The following PDP1 variants were observed in gnomAD, a reference collection of about 807,000 sequenced individuals.
The protein encoded by PDP1 is pyruvate dehyrogenase phosphatase catalytic subunit 1.
In PDP1, 14 loss-of-function variants were observed where a neutral mutation model predicts 37.1. That is an observed-to-expected ratio of 0.38 (90% CI 0.25 to 0.59). The LOEUF (loss-of-function observed/expected upper bound fraction) is 0.59, where lower values mean the gene tolerates loss of function less well. Among genes scored for constraint, PDP1 ranks in the 20% least tolerant of loss-of-function variants. The pLI is 0.67. For synonymous variants in PDP1, 251 were observed against 243.3 expected (o/e 1.03, Z -0.29); for missense variants, 544 against 655.3 (o/e 0.83, Z 1.85).
chr8:93,918,706 G>A (rs1470100523), intron 1 of PDP1, among the ~76,000 whole-genome samples: 1 of 152,180 alleles, frequency 6.6e-6, no homozygotes, highest in Non-Finnish European at 1.5e-5. Flanking sequence ...CTTATTGCCT[G>A]ATCAAGAGCC....
chr8:93,917,105 G>A (rs571183462), intron 1 of PDP1, 26 bp downstream of exon 1: 1 of 461,556 alleles, frequency 2.2e-6, no homozygotes, highest in Admixed American at 2.3e-5. Flanking sequence ...TCCCTGCCAC[G>A]AGCCGCCCCG....
rs1810402097 is a variant in PDP1, at chr8:93,925,279, T to C, written c.*1606T>C. On this transcript the variant is annotated 3_prime_UTR_variant, in exon 2 of 2. Transcript: ENST00000297598. The stretch of plus-strand genomic sequence containing the variant: ...AGGAAGATTGCTGCTCAGAATATCA[T>C]ATAATGTTTATTTTTTGAGGTGTTT... The C allele has an allele frequency of 6.0e-6, 1 of 166,540 alleles. No individual in the cohort carries two copies. Among genetic ancestry groups the C allele is most frequent in the South Asian group, 2.1e-4 (1 of 4,832 alleles). 10.3% of individuals were successfully genotyped at this position (166,540 alleles called of 1,614,324 possible). A position where few individuals can be genotyped will look rare whatever the true frequency, so the allele number is the denominator to read the frequency against.
Position 93,923,036 on chromosome 8 carries a change from A to G in PDP1, c.977A>G (p.Lys326Arg). 2 of 1,614,218 alleles carry G rather than the reference A, an allele frequency of 1.2e-6. No individual in the cohort carries two copies. The highest frequency in any genetic ancestry group is 1.7e-6 in the Non-Finnish European group (2 of 1,180,048). The change falls in exon 2 of 2, where the codon AAA (lysine) becomes AGA (arginine). Residue 326 changes from lysine to arginine, a missense_variant. Around this residue, in one of 5 missense-constraint regions of PDP1, gnomAD observed 342 missense variants for 414.0 expected, o/e 0.83. Transcript: ENST00000297598. The surrounding 1 kb of genome is among the most constrained non-coding windows in gnomAD (Gnocchi z 4.3). ...AQNERELERLKLEHPKSEAKS... is the reference protein window; with the variant it reads ...AQNERELERLRLEHPKSEAKS... ...AATGAAAGAGAACTAGAACGGCTGA[A>G]ATTGGAACATCCAAAGAGTGAGGCC...
At position 93,925,141 on chromosome 8, in the gene PDP1, C is replaced by T. The variant is rs1317496592; in HGVS notation, c.*1468C>T. ...TGTAATAACTTGGGTGTTTAGGAGT[C>T]TTTTCACATTTTTTGGGGATATGAA... On this transcript the variant is annotated 3_prime_UTR_variant, in exon 2 of 2. Transcript: ENST00000297598. 6.0e-6 allele frequency: 1 copy of T among 166,956 alleles called. No individual in the cohort carries two copies. Among genetic ancestry groups the T allele is most frequent in the Non-Finnish European group, 1.5e-5 (1 of 68,092 alleles). The allele number at this position is 166,956 out of a possible 1,614,324, so 10.3% of individuals were successfully genotyped here.
At chr8:93,917,423 C>T (rs1810103702) in intron 1 of PDP1, among the ~76,000 whole-genome samples, 1 of 151,996 alleles carries the variant, frequency 6.6e-6, no homozygotes, top group Non-Finnish European at 1.5e-5. Context: ...GAGGGTCTCC[C>T]TGACGCACCC....
chr8:93,918,048 A>G, intron 1 of PDP1: 2 of 1,312,060 alleles, frequency 1.5e-6, no homozygotes, highest in Non-Finnish European at 2.1e-6. Flanking sequence ...TTAAGGGATG[A>G]GATAGATTGG....
In PDP1 at chr8:93,923,466, G is replaced by A. The variant is rs1810348348; in HGVS notation, c.1407G>A (p.Met469Ile). 1 of 1,598,770 alleles carries A rather than the reference G, an allele frequency of 6.3e-7. No individual in the cohort carries two copies. ...TTTTAACAGAAAGGAGAACCAAAAT[G>A]TCCTCGGTATTTGAGGATCAGAACG... ...HGLLTERRTK[M>I]SSVFEDQNAA... The change falls in exon 2 of 2, where the codon ATG (methionine) becomes ATA (isoleucine). Residue 469 changes from methionine (M) to isoleucine (I), a missense_variant. Around this residue, in one of 5 missense-constraint regions of PDP1, gnomAD observed 159 missense variants for 165.5 expected, o/e 0.96. Coordinates refer to ENST00000297598, the MANE Select transcript of PDP1 (RefSeq NM_018444.4). This position sits in a 1 kb window ranked among gnomAD's most constrained non-coding sequence, Gnocchi z 4.3.
rs2130390590 is a variant in PDP1, at chr8:93,923,392, C to T, written c.1333C>T (p.Pro445Ser). 1 of 1,609,542 alleles carries T rather than the reference C, an allele frequency of 6.2e-7. No homozygotes were observed. Among genetic ancestry groups the T allele is most frequent in the South Asian group, 1.1e-5 (1 of 90,766 alleles). Residue 445 changes from proline (P) to serine (S), a missense_variant, in exon 2 of 2, where the codon CCA (proline) becomes TCA (serine). By Grantham distance (74) the Pro-to-Ser change is moderately conservative. This residue lies in a region of PDP1 where 159 missense variants were observed against 165.5 expected (regional missense o/e 0.96). Transcript: ENST00000297598. The surrounding 1 kb of genome is among the most constrained non-coding windows in gnomAD (Gnocchi z 4.3). ...CCTAACTGGCATGCATCACCAACAG[C>T]CAATAGCTGTTGGTGGCTACAAGGT... ...EYLTGMHHQQ[P>S]IAVGGYKVTL...
rs117294206 is a variant in PDP1, at chr8:93,923,493, A to G, written c.1434A>G (p.Ala478=). 20 of 1,605,730 alleles carry G rather than the reference A, an allele frequency of 1.2e-5. No homozygotes were observed. The East Asian group carries it at 2.9e-4, about 23-fold the overall frequency. The change falls in exon 2 of 2, where the codon GCA becomes GCG. Residue 478 remains alanine, a synonymous_variant. Transcript: ENST00000297598. This position sits in a 1 kb window ranked among gnomAD's most constrained non-coding sequence, Gnocchi z 4.3. The part of the protein sequence containing the change: ...KMSSVFEDQN[A]ATHLIRHAVG... ...CCTCGGTATTTGAGGATCAGAACGC[A>G]GCAACCCATCTCATTCGCCACGCTG...
chr8:93,920,099 C>G (rs1298088281), intron 1 of PDP1, among the ~76,000 whole-genome samples: 3 of 152,182 alleles, frequency 2.0e-5, no homozygotes, highest in Non-Finnish European at 4.4e-5. Context: ...ATCTTGTCTT[C>G]ATTTTCGTAA....
At chr8:93,921,775 T>C (rs1444990056) in intron 1 of PDP1, 6 of 439,722 alleles carry the variant, frequency 1.4e-5, no homozygotes, top group Non-Finnish European at 2.4e-5. Context: ...AAAGAGAAAA[T>C]TGAAGTTTGA....
At position 93,922,727 on chromosome 8, in the gene PDP1, A is replaced by G; in HGVS notation, c.668A>G (p.Asn223Ser). 1 of 1,614,162 alleles carries G rather than the reference A, an allele frequency of 6.2e-7. No homozygotes were observed. Among genetic ancestry groups the G allele is most frequent in the Non-Finnish European group, 8.5e-7 (1 of 1,179,998 alleles). Residue 223 changes from asparagine (N) to serine (S), a missense_variant, in exon 2 of 2, where the codon AAC (asparagine) becomes AGC (serine). Transcript: ENST00000297598. This position sits in a 1 kb window ranked among gnomAD's most constrained non-coding sequence, Gnocchi z 4.0. ...RTYWQELIDL[N>S]TGESTDIDVK... Reference sequence around the variant, plus strand: ...TACTGGCAAGAGCTTATAGACCTCAACACTGGTGAGTCGACTGATATTGAT... The same window carrying G: ...TACTGGCAAGAGCTTATAGACCTCAGCACTGGTGAGTCGACTGATATTGAT...
chr8:93,921,852 C>A (rs1043102059), intron 1 of PDP1, 164 bp from the exon 2 acceptor site: 4 of 556,532 alleles, frequency 7.2e-6, no homozygotes, highest in African/African-American at 5.6e-5. Context: ...CAGAATATAC[C>A]CTGTAGAAAT....
intron 1 of PDP1, chr8:93,918,889 G>T (rs1292011380): frequency 6.6e-6 from 1 of 152,234 alleles, no homozygotes; most frequent in Non-Finnish European, 1.5e-5. Context: ...TGGAGAGAAT[G>T]TATCACTTGT....
At position 93,922,079 on chromosome 8, in the gene PDP1, T is replaced by G; in HGVS notation, c.20T>G (p.Leu7Arg). MPAPTQ[L>R]FFPLIRNCEL... Reference sequence around the variant, plus strand: ...GATGCCATGCCAGCACCAACTCAACTGTTTTTTCCTCTCATCCGTAACTGT... The same window carrying G: ...GATGCCATGCCAGCACCAACTCAACGGTTTTTTCCTCTCATCCGTAACTGT... Residue 7 changes from leucine to arginine, a missense_variant, in exon 2 of 2, where the codon CTG (leucine) becomes CGG (arginine). By Grantham distance (102) the Leu-to-Arg change is moderately radical. This residue lies in a region of PDP1 where 342 missense variants were observed against 414.0 expected (regional missense o/e 0.83). Transcript: ENST00000297598. This position sits in a 1 kb window ranked among gnomAD's most constrained non-coding sequence, Gnocchi z 4.0. The G allele has an allele frequency of 6.2e-7, 1 of 1,612,370 alleles. No homozygotes were observed.
intron 1 of PDP1, chr8:93,921,337 G>A (rs1810262496): frequency 2.0e-6 from 2 of 985,108 alleles, no homozygotes; most frequent in Admixed American, 6.2e-5. Context: ...GACTAGAGAA[G>A]CAAGTTTTGC....
Position 93,922,506 on chromosome 8 carries a change from T to C in PDP1, c.447T>C (p.Cys149=). 1 of 1,614,112 alleles carries C rather than the reference T, an allele frequency of 6.2e-7. No homozygotes were observed. The highest frequency in any genetic ancestry group is 8.5e-7 in the Non-Finnish European group (1 of 1,180,046). ...LLGVFDGHAG[C]ACSQAVSERL... Reference sequence around the variant, plus strand: ...GGGTTTTTGATGGCCATGCAGGTTGTGCTTGTTCCCAGGCAGTCAGTGAAA... The same window carrying C: ...GGGTTTTTGATGGCCATGCAGGTTGCGCTTGTTCCCAGGCAGTCAGTGAAA... The change falls in exon 2 of 2, where the codon TGT becomes TGC. Residue 149 remains cysteine, a synonymous_variant. Coordinates refer to ENST00000297598, the MANE Select transcript of PDP1 (RefSeq NM_018444.4). This position sits in a 1 kb window ranked among gnomAD's most constrained non-coding sequence, Gnocchi z 4.0.
At chr8:93,917,583 G>C (rs1042007072) in intron 1 of PDP1, among the ~76,000 whole-genome samples, 1 of 152,136 alleles carries the variant, frequency 6.6e-6, no homozygotes, top group African/African-American at 2.4e-5. Context: ...GCCCCGGCTG[G>C]ATGGAGGGGC....
At chr8:93,920,549 T>G (rs1374284606) in intron 1 of PDP1, 2 of 929,898 alleles carry the variant, frequency 2.2e-6, no homozygotes, top group Non-Finnish European at 2.6e-6. Flanking sequence ...GCCCAAATTA[T>G]CTAGATTAAT....
Sources: allele counts gnomAD v4.1 joint callset (sites outside exome capture counted in the v4.1 genomes callset), GRCh38; gene constraint gnomAD v4.1.1; regional missense constraint gnomAD v4.1.1; non-coding constraint Gnocchi (gnomAD v3.1); transcripts MANE v1.5; gene names NCBI Gene and HGNC (gene_info 2026-07-23, HGNC 2026-07-21).